LRRC4C: variants seen among roughly 807,000 people sequenced by gnomAD.
LRRC4C encodes leucine-rich repeat-containing protein 4C.
LRRC4C carries 5 observed loss-of-function variants against 33.6 expected under a neutral mutation model. The ratio of observed to expected loss-of-function variants is 0.15; its 90% CI spans 0.08 to 0.31. The LOEUF is 0.31. Ranked by LOEUF, LRRC4C falls within the 10% of genes least tolerant of loss-of-function variation. The pLI, the probability that LRRC4C is intolerant of heterozygous loss-of-function variation, is 1.00. For synonymous variants in LRRC4C, 329 were observed against 302.0 expected (o/e 1.09, Z -0.93); for missense variants, 560 against 796.7 (o/e 0.70, Z 3.58).
intron 4 of LRRC4C, among the ~76,000 whole-genome samples, chr11:40,310,754 A>T (rs1462388568): frequency 6.6e-6 from 1 of 152,172 alleles, no homozygotes; most frequent in Non-Finnish European, 1.5e-5. Context: ...TGCTGACTGT[A>T]TGCTGGTTTG....
At chr11:41,092,995 CA>C (rs1407617432) in intron 1 of LRRC4C, among the ~76,000 whole-genome samples, 2 of 152,172 alleles carry the variant, frequency 1.3e-5, no homozygotes, top group East Asian at 3.9e-4. Context: ...AGTACTTCAT[CA>C]ATTTCTAGAA....
chr11:40,914,428 A>C (rs6485242), intron 2 of LRRC4C, among the ~76,000 whole-genome samples: 149,749 of 152,276 alleles, frequency 0.98, 73,700 homozygotes, highest in East Asian at 1. Flanking sequence ...AGAATATAAA[A>C]AGAACCAATG....
intron 1 of LRRC4C, among the ~76,000 whole-genome samples, chr11:41,167,469 T>G (rs551988942): frequency 6.6e-6 from 1 of 152,262 alleles, no homozygotes; most frequent in East Asian, 1.9e-4. Context: ...ATGGAAAACA[T>G]TTAGTCTACC....
chr11:41,139,654 G>A (rs1943416615), intron 1 of LRRC4C, among the ~76,000 whole-genome samples: 1 of 152,136 alleles, frequency 6.6e-6, no homozygotes, highest in African/African-American at 2.4e-5. Flanking sequence ...CAATCCTCAA[G>A]TTCATCCAGG....
intron 5 of LRRC4C, among the ~76,000 whole-genome samples, chr11:40,177,052 A>G (rs1019969364): frequency 7.0e-6 from 1 of 143,744 alleles, no homozygotes; most frequent in Admixed American, 7.4e-5. Flanking sequence ...TCAGCCTCCC[A>G]ACACCATTCT....
rs1281389813 is a variant in LRRC4C at position 40,933,645 on chromosome 11, T to G, written c.-417A>C. ...TATTGTTTCACTCACCTACATTCAG[T>G]GTATTAGATGATGTTCCAGCTTATT... On this transcript the variant is annotated 5_prime_UTR_variant, in exon 2 of 7. Transcript: ENST00000528697. 1 of 152,148 alleles carries G rather than the reference T, an allele frequency of 6.6e-6. No homozygotes were observed. Among genetic ancestry groups the G allele is most frequent in the East Asian group, 1.9e-4 (1 of 5,180 alleles). The allele number at this position is 152,148 out of a possible 1,614,324, so 9.4% of individuals were successfully genotyped here.
At chr11:41,389,688 A>G (rs1186386433) in intron 1 of LRRC4C, among the ~76,000 whole-genome samples, 1 of 149,492 alleles carries the variant, frequency 6.7e-6, no homozygotes, top group Admixed American at 6.7e-5. Flanking sequence ...AGGTGCTTCT[A>G]CTTGCATATA....
chr11:40,601,105 G>A (rs1053594574), intron 3 of LRRC4C, among the ~76,000 whole-genome samples: 50 of 151,954 alleles, frequency 3.3e-4, no homozygotes, highest in African/African-American at 1.2e-3. Context: ...CTCTTTCTTG[G>A]CATTAACATT....
At chr11:41,063,845 C>T (rs1490347470) in intron 1 of LRRC4C, among the ~76,000 whole-genome samples, 1 of 152,058 alleles carries the variant, frequency 6.6e-6, no homozygotes, top group Non-Finnish European at 1.5e-5. Flanking sequence ...TTCTGGCTGC[C>T]ATGTAGAGAA....
intron 1 of LRRC4C, among the ~76,000 whole-genome samples, chr11:41,048,865 A>T (rs909948368): frequency 6.6e-6 from 1 of 152,202 alleles, no homozygotes; most frequent in African/African-American, 2.4e-5. Flanking sequence ...ACAATGGCGT[A>T]GGCAGAGAAA....
At chr11:40,836,947 C>A (rs752450076) in intron 2 of LRRC4C, among the ~76,000 whole-genome samples, 1 of 152,098 alleles carries the variant, frequency 6.6e-6, no homozygotes, top group Admixed American at 6.5e-5. Context: ...ACAATCAGGG[C>A]TTTATGTTAT....
At chr11:41,331,536 TTCAC>T (rs1219827880) in intron 1 of LRRC4C, among the ~76,000 whole-genome samples, 1 of 152,208 alleles carries the variant, frequency 6.6e-6, no homozygotes, top group East Asian at 1.9e-4. Flanking sequence ...GCCGCCTCCC[TTCAC>T]TCACTCTGCT....
intron 2 of LRRC4C, among the ~76,000 whole-genome samples, chr11:40,911,270 G>A (rs1158582843): frequency 3.3e-5 from 5 of 152,164 alleles, no homozygotes; most frequent in African/African-American, 4.8e-5. Context: ...CCTGAACCCC[G>A]AGTAGCCCAA....
chr11:40,965,408 A>G (rs983855179), intron 1 of LRRC4C, among the ~76,000 whole-genome samples: 3 of 152,052 alleles, frequency 2.0e-5, no homozygotes, highest in African/African-American at 4.8e-5. Context: ...TTTTGTTGCC[A>G]TTGCTTTTGG....
chr11:40,837,858 TA>T (rs1295036341), intron 2 of LRRC4C, among the ~76,000 whole-genome samples: 1 of 142,014 alleles, frequency 7.0e-6, no homozygotes, highest in African/African-American at 2.7e-5. Context: ...AAAAAAAAAA[TA>T]GAGGAAAATA....
At chr11:40,289,361 C>A (rs1415542360) in intron 4 of LRRC4C, among the ~76,000 whole-genome samples, 1 of 152,140 alleles carries the variant, frequency 6.6e-6, no homozygotes, top group Admixed American at 6.6e-5. Context: ...TTATAATTCC[C>A]ACCTCATAGA....
intron 2 of LRRC4C, among the ~76,000 whole-genome samples, chr11:40,855,765 C>T (rs1329597199): frequency 6.6e-6 from 1 of 152,082 alleles, no homozygotes; most frequent in Non-Finnish European, 1.5e-5. Flanking sequence ...CCTGCTTTTG[C>T]TGGAGAACTT....
Position 41,342,571 on chromosome 11 carries a change from C to T in LRRC4C, c.-496+116860G>A, listed in dbSNP as rs143952427. ...GTCTACTAAAAATACAAACATTAGC[C>T]GGGTGTGGTGGTGTGCGCCTGTAAT... On this transcript the variant is annotated intron_variant, in intron 1 of 6. Transcript: ENST00000528697. 2.2e-3 allele frequency among the ~76,000 whole-genome samples: 327 copies of T among 152,066 alleles called. 1 individual carries two copies. Among genetic ancestry groups the T allele is most frequent in the African/African-American group, 7.3e-3 (305 of 41,498 alleles).
At chr11:41,315,105 T>C (rs1257448167) in intron 1 of LRRC4C, among the ~76,000 whole-genome samples, 1 of 152,176 alleles carries the variant, frequency 6.6e-6, no homozygotes, top group Non-Finnish European at 1.5e-5. Flanking sequence ...GAATAATCTT[T>C]GGAGCCAAAT....
Sources: allele counts gnomAD v4.1 joint callset (sites outside exome capture counted in the v4.1 genomes callset), GRCh38; gene constraint gnomAD v4.1.1; transcripts MANE v1.5; gene names NCBI Gene and HGNC (gene_info 2026-07-23, HGNC 2026-07-21).